Variants in NWD2 observed in about 807,000 individuals in gnomAD.
NWD2 encodes the protein NACHT and WD repeat domain-containing protein 2.
NWD2 carries 37 observed loss-of-function variants against 132.7 expected under a neutral mutation model. That is an observed-to-expected ratio of 0.28 (90% CI 0.21 to 0.37). The LOEUF (loss-of-function observed/expected upper bound fraction) is 0.37. Among genes scored for constraint, NWD2 ranks in the 10% least tolerant of loss-of-function variants. The pLI, the probability that NWD2 is intolerant of heterozygous loss-of-function variation, is 1.00. For synonymous variants in NWD2, 705 were observed against 803.0 expected, an observed-to-expected ratio of 0.88 and a Z score of 2.06; for missense variants, 1,592 against 2,122.4, an observed-to-expected ratio of 0.75 and a Z score of 4.91.
intron 1 of NWD2, among the ~76,000 whole-genome samples, chr4:37,277,106 C>T (rs947098857): frequency 1.3e-5 from 2 of 149,398 alleles, no homozygotes; most frequent in Non-Finnish European, 3.0e-5. Flanking sequence ...ACATTGTGCA[C>T]ATGTACCCTA....
In NWD2 at chr4:37,430,559, TG is replaced by T; in HGVS notation, c.358-12del. The T allele has an allele frequency of 6.5e-7, 1 of 1,545,754 alleles. No individual in the cohort carries two copies. Among genetic ancestry groups the T allele is most frequent in the Non-Finnish European group, 8.8e-7 (1 of 1,141,748 alleles). The stretch of plus-strand genomic sequence containing the variant: ...GGTGATACACTAAATTGAACTTTCT[TG>T]TTGATACACAGGGACTATTAGGTGA... On this transcript the variant is annotated splice_polypyrimidine_tract_variant and intron_variant, in intron 3 of 6. Transcript: ENST00000309447.
In NWD2 at chr4:37,444,908, C is replaced by T. The variant is rs1293390694; in HGVS notation, c.2920C>T (p.Leu974=). ...CAGTCACCTGCATGTCACAGAGATC[C>T]TGCCTACCTGTAACCCCAGCACTGT... The part of the protein sequence containing the change: ...SSSHLHVTEI[L]PTCNPSTVLT... Residue 974 remains leucine (L), a synonymous_variant, in exon 7 of 7, where the codon CTG becomes TTG. Transcript: ENST00000309447. The surrounding 1 kb of genome is among the most constrained non-coding windows in gnomAD (Gnocchi z 4.8). The T allele has an allele frequency of 1.3e-6, 2 of 1,552,318 alleles. No homozygotes were observed. Among genetic ancestry groups the T allele is most frequent in the East Asian group, 2.4e-5 (1 of 40,924 alleles).
At chr4:37,306,113 T>C (rs1284395194) in intron 1 of NWD2, among the ~76,000 whole-genome samples, 3 of 152,154 alleles carry the variant, frequency 2.0e-5, no homozygotes, top group Admixed American at 2.0e-4. Flanking sequence ...TTGTAGATTT[T>C]CCATTTTGTT....
chr4:37,244,960 C>A lies in NWD2; in HGVS notation c.-108C>A. The A allele has an allele frequency of 7.0e-7, 1 of 1,436,464 alleles. No individual in the cohort carries two copies. The highest frequency in any genetic ancestry group is 9.3e-7 in the Non-Finnish European group (1 of 1,073,672). The allele number at this position is 1,436,464 out of a possible 1,614,324, so 89.0% of individuals were successfully genotyped here. ...GGGCTCGGAGCGGCTCTGAGCCGCG[C>A]CGCCTGCTGAGATCGACCGCCTGCT... is the stretch of plus-strand genomic sequence containing the variant. On this transcript the variant is annotated 5_prime_UTR_variant, in exon 1 of 7. Coordinates refer to ENST00000309447, the MANE Select transcript of NWD2 (RefSeq NM_001144990.2). The surrounding 1 kb of genome is among the most constrained non-coding windows in gnomAD (Gnocchi z 5.5).
intron 3 of NWD2, among the ~76,000 whole-genome samples, chr4:37,367,369 G>GA (rs1223073874): frequency 6.6e-6 from 1 of 151,674 alleles, no homozygotes; most frequent in Non-Finnish European, 1.5e-5. Flanking sequence ...TCAATGCTTA[G>GA]AAAAAACAGA....
intron 3 of NWD2, among the ~76,000 whole-genome samples, chr4:37,364,900 G>C (rs1035596841): frequency 6.6e-6 from 1 of 152,080 alleles, no homozygotes; most frequent in South Asian, 2.1e-4. Context: ...ACAACTTAAG[G>C]GATTGAACTG....
intron 1 of NWD2, among the ~76,000 whole-genome samples, chr4:37,263,889 T>C (rs1033765887): frequency 4.6e-5 from 7 of 152,356 alleles, no homozygotes; most frequent in Admixed American, 3.9e-4. Context: ...GACTATTGCC[T>C]TTATTTCAGA....
intron 3 of NWD2, among the ~76,000 whole-genome samples, chr4:37,382,162 T>C (rs983712716): frequency 3.3e-5 from 5 of 152,214 alleles, no homozygotes; most frequent in Admixed American, 3.3e-4. Context: ...CCAGGCATAC[T>C]TGTATTTCGC....
intron 1 of NWD2, among the ~76,000 whole-genome samples, chr4:37,320,739 A>G (rs1041105610): frequency 7.9e-5 from 12 of 152,212 alleles, no homozygotes; most frequent in African/African-American, 2.9e-4. Context: ...GAGGCTAGGA[A>G]AAGAGAAAGA....
chr4:37,431,186 A>C (rs1712168445), intron 4 of NWD2, among the ~76,000 whole-genome samples: 1 of 152,180 alleles, frequency 6.6e-6, no homozygotes, highest in Non-Finnish European at 1.5e-5. Context: ...TCTTGAAGAG[A>C]TATCCACACT....
chr4:37,444,383 C>G lies in NWD2; in HGVS notation c.2395C>G (p.His799Asp). 2 of 1,552,168 alleles carry G rather than the reference C, an allele frequency of 1.3e-6. No homozygotes were observed. Among genetic ancestry groups the G allele is most frequent in the Non-Finnish European group, 1.7e-6 (2 of 1,147,118 alleles). ...ENRSLLEEEK[H>D]FMEQASFDRQ... is the part of the protein sequence containing the mutation. ...CAGAAGTTTGCTGGAGGAAGAAAAG[C>G]ACTTCATGGAACAGGCTTCCTTTGA... Residue 799 changes from histidine (H) to aspartate (D), a missense_variant, in exon 7 of 7, where the codon CAC (histidine) becomes GAC (aspartate). Coordinates refer to ENST00000309447, the MANE Select transcript of NWD2 (RefSeq NM_001144990.2). This position sits in a 1 kb window ranked among gnomAD's most constrained non-coding sequence, Gnocchi z 4.8.
chr4:37,356,360 C>T lies in NWD2; in HGVS notation c.241-6C>T, dbSNP rs143844592. The T allele has an allele frequency of 3.7e-3, 5,568 of 1,490,608 alleles. 37 individuals carry two copies. Among genetic ancestry groups the T allele is most frequent in the Middle Eastern group, 0.024 (143 of 5,838 alleles). The allele number at this position is 1,490,608 out of a possible 1,614,324, so 92.3% of individuals were successfully genotyped here. ...AAACTAATGCTCTTCATCCATCTGTCCCCAGGTCATAGATCTGTACTGGGG... is the reference window on the plus strand; with the variant it reads ...AAACTAATGCTCTTCATCCATCTGTTCCCAGGTCATAGATCTGTACTGGGG... On this transcript the variant is annotated splice_polypyrimidine_tract_variant and splice_region_variant and intron_variant, in intron 2 of 6. Coordinates refer to ENST00000309447, the MANE Select transcript of NWD2 (RefSeq NM_001144990.2).
intron 2 of NWD2, among the ~76,000 whole-genome samples, chr4:37,348,675 T>TATATATATATACACACACACACAC (rs1308407988): frequency 4.4e-5 from 1 of 22,572 alleles, no homozygotes. Context: ...TATATATATA[T>TATATATATATACACACACACACAC]ACACACACAC....
intron 1 of NWD2, among the ~76,000 whole-genome samples, chr4:37,276,244 A>G (rs2109265889): frequency 1.3e-5 from 2 of 152,234 alleles, no homozygotes; most frequent in East Asian, 1.9e-4. Flanking sequence ...AACTCAAACA[A>G]CTTTACAAGA....
intron 3 of NWD2, among the ~76,000 whole-genome samples, chr4:37,380,898 G>A (rs1720439534): frequency 6.6e-6 from 1 of 152,130 alleles, no homozygotes; most frequent in African/African-American, 2.4e-5. Flanking sequence ...AAGAGTTAGG[G>A]ACTTAGCCAA....
chr4:37,446,048 T>C lies in NWD2; in HGVS notation c.4060T>C (p.Phe1354Leu). The change falls in exon 7 of 7, where the codon TTC (phenylalanine) becomes CTC (leucine). Residue 1354 changes from phenylalanine (F) to leucine (L), a missense_variant. By Grantham distance (22) the Phe-to-Leu change is conservative (BLOSUM62 0). Coordinates refer to ENST00000309447, the MANE Select transcript of NWD2 (RefSeq NM_001144990.2). The surrounding 1 kb of genome is among the most constrained non-coding windows in gnomAD (Gnocchi z 6.7). ...CAGCAGTGGCTTCATCGAAGCAGTA[T>C]TCAAGCATGAAGGAATAGTTGAACA... The part of the protein sequence containing the change: ...NFSSGFIEAV[F>L]KHEGIVEHCV... The C allele has an allele frequency of 6.4e-7, 1 of 1,551,800 alleles. No homozygotes were observed. The highest frequency in any genetic ancestry group is 8.7e-7 in the Non-Finnish European group (1 of 1,147,006).
chr4:37,337,636 C>G (rs1719437079), intron 2 of NWD2, among the ~76,000 whole-genome samples: 1 of 152,158 alleles, frequency 6.6e-6, no homozygotes, highest in South Asian at 2.1e-4. Context: ...TCCTTGTCTC[C>G]TTGGGCAGCA....
intron 5 of NWD2, 112 bp downstream of exon 5, chr4:37,434,132 A>G: frequency 9.6e-6 from 6 of 622,870 alleles, no homozygotes; most frequent in Non-Finnish European, 1.5e-5. Context: ...GGTGAAATTT[A>G]ATTTTTCTAA....
chr4:37,398,131 A>T (rs970576628), intron 3 of NWD2, among the ~76,000 whole-genome samples: 3 of 152,248 alleles, frequency 2.0e-5, no homozygotes, highest in African/African-American at 7.2e-5. Context: ...AACATCAGTT[A>T]ATCCTCACCA....
Sources: gnomAD v4.1 joint callset for allele counts (sites outside exome capture counted in the v4.1 genomes callset) on GRCh38, gnomAD v4.1.1 for gene constraint, Gnocchi (gnomAD v3.1) non-coding constraint, MANE v1.5 for transcripts, NCBI Gene and HGNC (gene_info 2026-07-23, HGNC 2026-07-21) for gene names.